Variants in INTS1 observed in about 807,000 individuals in gnomAD.
The protein encoded by INTS1 is integrator complex subunit 1.
A neutral mutation model predicts 241.6 loss-of-function variants in INTS1; 137 were observed. That is an observed-to-expected ratio of 0.57 (90% CI 0.49 to 0.65). The LOEUF (loss-of-function observed/expected upper bound fraction) is 0.65, where lower values mean the gene tolerates loss of function less well. INTS1 is among the 30% of genes least tolerant of loss of function. The probability of loss-of-function intolerance (pLI) is 0.00; values close to 1 mark genes in which losing one functional copy is unlikely to be tolerated. For synonymous variants in INTS1, 1,692 were observed against 1,337.8 expected, an observed-to-expected ratio of 1.26 and a Z score of -5.78; for missense variants, 3,073 against 3,032.2, an observed-to-expected ratio of 1.01 and a Z score of -0.32.
rs1368330996 is a variant in INTS1, at chr7:1,477,745, C to T, written c.4814+8G>A. ...CCCACCCTGGCCGTGTGCAGCACCCCAGCTCACCTGCCACCGTCCGCACCC... is the reference window on the plus strand; with the variant it reads ...CCCACCCTGGCCGTGTGCAGCACCCTAGCTCACCTGCCACCGTCCGCACCC... On this transcript the variant is annotated splice_region_variant and intron_variant, in intron 34 of 47. Coordinates refer to ENST00000404767, the MANE Select transcript of INTS1 (RefSeq NM_001080453.3). The T allele has an allele frequency of 6.2e-7, 1 of 1,611,678 alleles. No homozygotes were observed. The highest frequency in any genetic ancestry group is 1.1e-5 in the South Asian group (1 of 91,016).
chr7:1,482,362 TCTC>T (rs764966346), intron 27 of INTS1, 181 bp downstream of exon 27: 48 of 519,794 alleles, frequency 9.2e-5, no homozygotes, highest in Admixed American at 4.1e-4. Context: ...CTGCCCTAGG[TCTC>T]CTCCCAGGGT....
At chr7:1,503,551 G>A (rs1265570580) in intron 2 of INTS1, among the ~76,000 whole-genome samples, 1 of 152,248 alleles carries the variant, frequency 6.6e-6, no homozygotes, top group Admixed American at 6.5e-5. Context: ...CAGGCGAGTG[G>A]CAAAGTCCGG....
At position 1,477,871 on chromosome 7, in the gene INTS1, C is replaced by T. The variant is rs766988986; in HGVS notation, c.4696G>A (p.Ala1566Thr). The change falls in exon 34 of 48, where the codon GCC becomes ACC. Residue 1566 changes from alanine to threonine, a missense_variant. Ala to Thr is a moderately conservative substitution (Grantham distance 58). Coordinates refer to ENST00000404767, the MANE Select transcript of INTS1 (RefSeq NM_001080453.3). ...AACGGGGAGGCAGCATCCGCAGTGG[C>T]AGAGAAGAATGCAGTCAGCAGCTCC... is the stretch of plus-strand genomic sequence containing the variant. ...LEELLTAFFS[A>T]TADAASPFPA... The T allele has an allele frequency of 1.2e-6, 2 of 1,612,632 alleles. No individual in the cohort carries two copies. Among genetic ancestry groups the T allele is most frequent in the African/African-American group, 1.3e-5 (1 of 75,064 alleles).
chr7:1,489,244 T>C lies in INTS1; in HGVS notation c.2318+100A>G, dbSNP rs58541205. The C allele has an allele frequency of 0.012, 3,171 of 269,044 alleles. 82 individuals are homozygous for C. The African/African-American group carries it at 0.26, about 22-fold the overall frequency. 16.7% of individuals were successfully genotyped at this position (269,044 alleles called of 1,614,324 possible). ...TCAACAGAAGATGCTAAGATGCTGA[T>C]GCAGCACGACCCAGGAGACAGCAGG... On this transcript the variant is annotated intron_variant, in intron 18 of 47. Transcript: ENST00000404767.
At chr7:1,486,188 G>A (rs916399513) in intron 22 of INTS1, among the ~76,000 whole-genome samples, 3 of 152,010 alleles carry the variant, frequency 2.0e-5, no homozygotes, top group South Asian at 2.1e-4. Flanking sequence ...CTCCCACCTC[G>A]GCCTCCCAAA....
intron 22 of INTS1, 57 bp from the exon 23 acceptor site, chr7:1,485,526 C>T (rs1173650948): frequency 6.4e-7 from 1 of 1,559,386 alleles, no homozygotes; most frequent in East Asian, 2.3e-5. Context: ...AGGGTCTCAC[C>T]CTGGCCCCGG....
Position 1,503,158 on chromosome 7 carries a change from C to T in INTS1, c.92G>A (p.Gly31Asp). ...CGATTCATTGGCCTGACCCTTTGAG[C>T]CCAGAGCAATGAAGTCTCCTGGGGG... is the stretch of plus-strand genomic sequence containing the variant. ...HPPPGDFIAL[G>D]SKGQANESKT... The change falls in exon 3 of 48, where the codon GGC becomes GAC. Residue 31 changes from glycine to aspartate, a missense_variant. Gly to Asp is a moderately conservative substitution (Grantham distance 94). Transcript: ENST00000404767. The T allele has an allele frequency of 6.4e-7, 1 of 1,562,700 alleles. No homozygotes were observed. The highest frequency in any genetic ancestry group is 8.7e-7 in the Non-Finnish European group (1 of 1,151,668).
chr7:1,503,821 G>C, intron 2 of INTS1, 82 bp downstream of exon 2: 1 of 1,016,556 alleles, frequency 9.8e-7, no homozygotes, highest in Non-Finnish European at 1.5e-6. Context: ...GCCCAACGCA[G>C]GATCCGCGGC....
In INTS1 at chr7:1,472,305, A is replaced by G. The variant is rs1218591100; in HGVS notation, c.6152T>C (p.Met2051Thr). 7 of 1,565,684 alleles carry G rather than the reference A, an allele frequency of 4.5e-6. No individual in the cohort carries two copies. The East Asian group carries it at 1.7e-4, about 37-fold the overall frequency. The change falls in exon 44 of 48, where the codon ATG (methionine) becomes ACG (threonine). Residue 2051 changes from methionine (M) to threonine (T), a missense_variant. Met to Thr is a moderately conservative substitution (Grantham distance 81, BLOSUM62 -1). Coordinates refer to ENST00000404767, the MANE Select transcript of INTS1 (RefSeq NM_001080453.3). ...PLTAAEMAPY[M>T]KRLSRGQTVE... Reference sequence around the variant, plus strand: ...CGTTTGGCCCCGGGAAAGCCGTTTCATGTAGGGGGCCATCTCGGCCGCGGT... The same window carrying G: ...CGTTTGGCCCCGGGAAAGCCGTTTCGTGTAGGGGGCCATCTCGGCCGCGGT...
Position 1,471,652 on chromosome 7 carries a change from G to C in INTS1, c.6185-11C>G. On this transcript the variant is annotated splice_polypyrimidine_tract_variant and intron_variant, in intron 44 of 47. Coordinates refer to ENST00000404767, the MANE Select transcript of INTS1 (RefSeq NM_001080453.3). ...GAACCTCCAGCAGATCTGACACAGA[G>C]AGAGGGCCAGACCAGAACTGAAGGG... The C allele has an allele frequency of 1.9e-6, 3 of 1,604,240 alleles. No individual in the cohort carries two copies. Among genetic ancestry groups the C allele is most frequent in the Non-Finnish European group, 1.7e-6 (2 of 1,179,448 alleles).
Position 1,493,711 on chromosome 7 carries a change from G to C in INTS1, c.2068+43C>G. Reference sequence around the variant, plus strand: ...AGCCGGGGTTTCTGCAGGGACGAGGGGAGCAGACCCAGCACAGGCGCCATC... The same window carrying C: ...AGCCGGGGTTTCTGCAGGGACGAGGCGAGCAGACCCAGCACAGGCGCCATC... On this transcript the variant is annotated intron_variant, in intron 15 of 47. Transcript: ENST00000404767. This position sits in a 1 kb window ranked among gnomAD's most constrained non-coding sequence, Gnocchi z 5.3. 1 of 1,535,658 alleles carries C rather than the reference G, an allele frequency of 6.5e-7. No homozygotes were observed. Among genetic ancestry groups the C allele is most frequent in the Non-Finnish European group, 8.8e-7 (1 of 1,138,494 alleles).
In INTS1 at chr7:1,499,247, G is replaced by A. The variant is rs566322339; in HGVS notation, c.950+8C>T. On this transcript the variant is annotated splice_region_variant and intron_variant, in intron 7 of 47. Coordinates refer to ENST00000404767, the MANE Select transcript of INTS1 (RefSeq NM_001080453.3). ...CCCCCAACTGGGACCGGGCAGGCAC[G>A]CAGCTACCTGGGCATGAGCTGGCCC... 1.7e-5 allele frequency: 28 copies of A among 1,608,798 alleles called. No homozygotes were observed. In the South Asian group the frequency reaches 2.1e-4, roughly 12 times the overall value.
At position 1,470,701 on chromosome 7, in the gene INTS1, G is replaced by A. The variant is rs1781419321; in HGVS notation, c.6458-9C>T. 2 of 1,531,950 alleles carry A rather than the reference G, an allele frequency of 1.3e-6. No homozygotes were observed. The highest frequency in any genetic ancestry group is 1.4e-5 in the African/African-American group (1 of 72,634). The allele number at this position is 1,531,950 out of a possible 1,614,324, so 94.9% of individuals were successfully genotyped here. A position where few individuals can be genotyped will look rare whatever the true frequency, so the allele number is the denominator to read the frequency against. ...CAGCACAGCCGCGTGCTCTGTGGGG[G>A]AAACGGGGCCCTGCACGTCACGCTG... On this transcript the variant is annotated splice_polypyrimidine_tract_variant and intron_variant, in intron 47 of 47. Coordinates refer to ENST00000404767, the MANE Select transcript of INTS1 (RefSeq NM_001080453.3).
intron 4 of INTS1, 35 bp downstream of exon 4, chr7:1,500,135 C>A (rs367918294): frequency 2.5e-6 from 4 of 1,578,582 alleles, no homozygotes; most frequent in East Asian, 2.3e-5. Context: ...AGGGCCCCAG[C>A]GCTGCTCGCC....
Position 1,478,383 on chromosome 7 carries a change from G to T in INTS1, c.4613C>A (p.Pro1538Gln). Reference sequence around the variant, plus strand: ...GAAGGTACCTTTGCTGATCAGGTCCGGCTCCACGCTGCACTGCTCCCCAGA... The same window carrying T: ...GAAGGTACCTTTGCTGATCAGGTCCTGCTCCACGCTGCACTGCTCCCCAGA... The part of the protein sequence containing the change: ...LRSGEQCSVE[P>Q]DLISKVLQGL... The change falls in exon 33 of 48, where the codon CCG becomes CAG. Residue 1538 changes from proline (P) to glutamine (Q), a missense_variant. Transcript: ENST00000404767. The T allele has an allele frequency of 6.2e-7, 1 of 1,612,618 alleles. No individual in the cohort carries two copies. Among genetic ancestry groups the T allele is most frequent in the Non-Finnish European group, 8.5e-7 (1 of 1,179,724 alleles).
chr7:1,479,425 A>G lies in INTS1; in HGVS notation c.4329+5T>C, dbSNP rs2128535158. 1.3e-6 allele frequency: 2 copies of G among 1,572,372 alleles called. No individual in the cohort carries two copies. The highest frequency in any genetic ancestry group is 1.7e-6 in the Non-Finnish European group (2 of 1,159,756). ...CTCCCCCGCAAGAGGCCCACGCCCAAGTACCTGGTACTGGCAGAGCTGGCG... is the reference window on the plus strand; with the variant it reads ...CTCCCCCGCAAGAGGCCCACGCCCAGGTACCTGGTACTGGCAGAGCTGGCG... On this transcript the variant is annotated splice_donor_5th_base_variant and intron_variant, in intron 31 of 47. Coordinates refer to ENST00000404767, the MANE Select transcript of INTS1 (RefSeq NM_001080453.3).
chr7:1,493,535 A>C lies in INTS1; in HGVS notation c.2068+219T>G, dbSNP rs935201313. On this transcript the variant is annotated intron_variant, in intron 15 of 47. Transcript: ENST00000404767. This position sits in a 1 kb window ranked among gnomAD's most constrained non-coding sequence, Gnocchi z 5.3. ...ATTCCAAAAAATGTGCAAATTCCAA[A>C]GAACGGGGCAGTGACTGCACCATTG... Among the ~76,000 whole-genome samples the C allele has an allele frequency of 2.6e-5, 4 of 152,120 alleles. No homozygotes were observed. Among genetic ancestry groups the C allele is most frequent in the African/African-American group, 9.7e-5 (4 of 41,408 alleles).
At position 1,497,208 on chromosome 7, in the gene INTS1, T is replaced by C. The variant is rs778255525; in HGVS notation, c.1532A>G (p.Asn511Ser). 3.1e-6 allele frequency: 5 copies of C among 1,612,718 alleles called. No individual in the cohort carries two copies. Among genetic ancestry groups the C allele is most frequent in the Non-Finnish European group, 4.2e-6 (5 of 1,179,660 alleles). Reference protein sequence around the residue: ...EIIKQTKHEINFQAFCLGLMQ... With the variant: ...EIIKQTKHEISFQAFCLGLMQ... ...GAGCCCCAGGCAGAAGGCCTGGAAG[T>C]TGATCTCGTGCTTGGTCTGCTTGAT... Residue 511 changes from asparagine (N) to serine (S), a missense_variant, in exon 11 of 48, where the codon AAC becomes AGC. Asn to Ser is a conservative substitution (Grantham distance 46, BLOSUM62 1). Coordinates refer to ENST00000404767, the MANE Select transcript of INTS1 (RefSeq NM_001080453.3). This position sits in a 1 kb window ranked among gnomAD's most constrained non-coding sequence, Gnocchi z 5.3.
rs1326337499 is a variant in INTS1, at chr7:1,502,926, T to C, written c.324A>G (p.Lys108=). 1.2e-6 allele frequency: 2 copies of C among 1,613,786 alleles called. No homozygotes were observed. The highest frequency in any genetic ancestry group is 1.3e-5 in the African/African-American group (1 of 74,930). ...AEKRAISPSI[K]EPSVVPIEVL... is the part of the protein sequence containing the mutation. ...CTTCAATTGGCACCACAGATGGCTC[T>C]TTAATCGACGGAGAAATGGCTCGTT... is the stretch of plus-strand genomic sequence containing the variant. The change falls in exon 3 of 48, where the codon AAA becomes AAG. Residue 108 remains lysine, a synonymous_variant. Transcript: ENST00000404767.
Sources: gnomAD v4.1 joint callset for allele counts (sites outside exome capture counted in the v4.1 genomes callset) on GRCh38, gnomAD v4.1.1 for gene constraint, Gnocchi (gnomAD v3.1) non-coding constraint, MANE v1.5 for transcripts, NCBI Gene and HGNC (gene_info 2026-07-23, HGNC 2026-07-21) for gene names.